FAM13A: variants seen among roughly 807,000 people sequenced by gnomAD.
The protein encoded by FAM13A is protein FAM13A.
In FAM13A, 76 loss-of-function variants were observed where a neutral mutation model predicts 129.6. The ratio of observed to expected loss-of-function variants is 0.59; its 90% CI spans 0.49 to 0.71. The LOEUF (loss-of-function observed/expected upper bound fraction) is 0.71. FAM13A is among the 30% of genes least tolerant of loss of function. FAM13A has a pLI of 0.00. For synonymous variants in FAM13A, 443 were observed against 449.9 expected (o/e 0.98, Z 0.20); for missense variants, 1,108 against 1,249.3 (o/e 0.89, Z 1.70).
chr4:88,822,869 AC>A, intron 7 of FAM13A: 1 of 1,515,376 alleles, frequency 6.6e-7, no homozygotes, highest in East Asian at 2.3e-5. Flanking sequence ...CGGACTCTAC[AC>A]ACTTTGCAGC....
chr4:88,861,194 A>G (rs1739429117), intron 6 of FAM13A, among the ~76,000 whole-genome samples: 1 of 152,072 alleles, frequency 6.6e-6, no homozygotes, highest in Non-Finnish European at 1.5e-5. Flanking sequence ...CAGCCTGGTC[A>G]ACATGGCAAA....
chr4:88,875,231 G>A (rs1403815428), intron 6 of FAM13A, among the ~76,000 whole-genome samples: 1 of 152,142 alleles, frequency 6.6e-6, no homozygotes, highest in East Asian at 1.9e-4. Flanking sequence ...ATAGGCATGG[G>A]CAAAGACTTC....
chr4:88,739,966 A>G (rs1739885306), intron 19 of FAM13A, among the ~76,000 whole-genome samples: 1 of 152,154 alleles, frequency 6.6e-6, no homozygotes, highest in Non-Finnish European at 1.5e-5. Flanking sequence ...GGGCTAAAAA[A>G]TGTTTAAAGG....
In FAM13A at chr4:88,938,166, G is replaced by A. The variant is rs1224963512; in HGVS notation, c.681C>T (p.Tyr227=). Residue 227 remains tyrosine (Y), a synonymous_variant, in exon 5 of 24, where the codon TAC becomes TAT. Transcript: ENST00000264344. The stretch of plus-strand genomic sequence containing the variant: ...TATACTCTACTTCAAACAGGGTATT[G>A]TAATTTTCTAGAATTTTAGCCATTA... ...NKIMAKILEN[Y]NTLFEVEYTE... 1.9e-6 allele frequency: 3 copies of A among 1,612,664 alleles called. No individual in the cohort carries two copies. Among genetic ancestry groups the A allele is most frequent in the Non-Finnish European group, 2.5e-6 (3 of 1,178,916 alleles).
intron 6 of FAM13A, among the ~76,000 whole-genome samples, chr4:88,880,154 G>A (rs1743281271): frequency 6.6e-6 from 1 of 152,104 alleles, no homozygotes; most frequent in African/African-American, 2.4e-5. Flanking sequence ...TTTGCTCCTA[G>A]AACTACCACA....
intron 1 of FAM13A, among the ~76,000 whole-genome samples, chr4:89,030,549 T>C (rs1045082354): frequency 7.2e-5 from 11 of 152,164 alleles, no homozygotes; most frequent in Non-Finnish European, 1.5e-5. Context: ...AGAATGAATG[T>C]AGCAGCTTAC....
rs144030927 is a variant in FAM13A at position 88,767,861 on chromosome 4, T to G, written c.1535+122A>C. The G allele has an allele frequency of 5.4e-4, 363 of 667,256 alleles. 3 individuals are homozygous for G. The African/African-American group carries it at 6.2e-3, about 11-fold the overall frequency. The allele number at this position is 667,256 out of a possible 1,614,324, so 41.3% of individuals were successfully genotyped here. A position where few individuals can be genotyped will look rare whatever the true frequency, so the allele number is the denominator to read the frequency against. ...AAGCATTTTCCTTGCTATAAAATATTGCTGGTAAATATATAGTCCTTTAAT... is the reference window on the plus strand; with the variant it reads ...AAGCATTTTCCTTGCTATAAAATATGGCTGGTAAATATATAGTCCTTTAAT... On this transcript the variant is annotated intron_variant, in intron 12 of 23. Coordinates refer to ENST00000264344, the MANE Select transcript of FAM13A (RefSeq NM_014883.4).
At chr4:88,810,358 T>C (rs1427386028) in intron 7 of FAM13A, among the ~76,000 whole-genome samples, 8 of 152,166 alleles carry the variant, frequency 5.3e-5, no homozygotes, top group African/African-American at 1.9e-4. Flanking sequence ...AAAGTTATCT[T>C]ATTTAGAAAC....
At chr4:88,731,979 C>G in intron 22 of FAM13A, 23 bp downstream of exon 22, 1 of 1,566,546 alleles carries the variant, frequency 6.4e-7, no homozygotes, top group Non-Finnish European at 8.7e-7. Flanking sequence ...AAACATTTCA[C>G]CACCACCACC....
At chr4:88,971,939 G>C (rs1439873449) in intron 4 of FAM13A, among the ~76,000 whole-genome samples, 1 of 152,156 alleles carries the variant, frequency 6.6e-6, no homozygotes, top group Admixed American at 6.5e-5. Context: ...TGCTGCCACA[G>C]TTCAAAACTT....
At chr4:88,958,192 T>TA (rs1317945861) in intron 4 of FAM13A, among the ~76,000 whole-genome samples, 46 of 152,276 alleles carry the variant, frequency 3.0e-4, no homozygotes, top group African/African-American at 1.1e-3. Context: ...GCAAAAGGCC[T>TA]CAAGGGCACT....
chr4:88,983,874 A>G (rs1393399240), intron 4 of FAM13A, among the ~76,000 whole-genome samples: 1 of 152,214 alleles, frequency 6.6e-6, no homozygotes, highest in Admixed American at 6.5e-5. Flanking sequence ...ACAAACTTGG[A>G]GTATTGAAAC....
chr4:88,787,709 A>G, intron 10 of FAM13A, 44 bp downstream of exon 10: 1 of 1,587,636 alleles, frequency 6.3e-7, no homozygotes, highest in Admixed American at 1.7e-5. Flanking sequence ...ATTTCTTTTA[A>G]AAAGAGAAAA....
At chr4:88,997,255 T>C (rs1763668753) in intron 3 of FAM13A, among the ~76,000 whole-genome samples, 1 of 152,226 alleles carries the variant, frequency 6.6e-6, no homozygotes, top group Non-Finnish European at 1.5e-5. Flanking sequence ...ACTTTGCAGA[T>C]GGAAATAATG....
At chr4:88,785,033 T>C (rs1187178274) in intron 10 of FAM13A, among the ~76,000 whole-genome samples, 2 of 152,148 alleles carry the variant, frequency 1.3e-5, no homozygotes, top group Non-Finnish European at 2.9e-5. Context: ...ATGAAGTTAT[T>C]TGTAGTCTTT....
intron 2 of FAM13A, among the ~76,000 whole-genome samples, chr4:89,020,988 AC>A (rs1767184445): frequency 6.6e-6 from 1 of 152,240 alleles, no homozygotes; most frequent in Non-Finnish European, 1.5e-5. Context: ...AGAGCACATA[AC>A]AAAAACTTAC....
intron 6 of FAM13A, among the ~76,000 whole-genome samples, chr4:88,901,054 T>C (rs1747218689): frequency 6.6e-6 from 1 of 152,110 alleles, no homozygotes; most frequent in Admixed American, 6.6e-5. Flanking sequence ...AGAAGAGCTT[T>C]ACATAATGGA....
chr4:88,781,340 TTGA>T lies in FAM13A; in HGVS notation c.1280_1282del (p.Ile427del). The T allele has an allele frequency of 6.2e-7, 1 of 1,602,116 alleles. No homozygotes were observed. The highest frequency in any genetic ancestry group is 1.1e-5 in the South Asian group (1 of 88,688). The stretch of plus-strand genomic sequence containing the variant: ...GAACCCAGAAGGAGTATTTTCTTTG[TTGA>T]TAAGTCCCCTTGAATTGAGAAAAAA... On this transcript the variant is annotated inframe_deletion, in exon 11 of 24. Coordinates refer to ENST00000264344, the MANE Select transcript of FAM13A (RefSeq NM_014883.4).
intron 5 of FAM13A, among the ~76,000 whole-genome samples, chr4:88,912,457 G>A (rs1436863919): frequency 6.6e-6 from 1 of 151,986 alleles, no homozygotes; most frequent in Non-Finnish European, 1.5e-5. Context: ...CATGCTACCA[G>A]CTTCCCTGAT....
Sources: gnomAD v4.1 joint callset for allele counts (sites outside exome capture counted in the v4.1 genomes callset) on GRCh38, gnomAD v4.1.1 for gene constraint, MANE v1.5 for transcripts, NCBI Gene and HGNC (gene_info 2026-07-23, HGNC 2026-07-21) for gene names.